MUL1: variants seen among roughly 807,000 people sequenced by gnomAD.
MUL1 encodes the protein mitochondrial E3 ubiquitin protein ligase 1.
A neutral mutation model predicts 34.1 loss-of-function variants in MUL1; 30 were observed. That is an observed-to-expected ratio of 0.88 (90% CI 0.66 to 1.19). The LOEUF (loss-of-function observed/expected upper bound fraction) is 1.19. MUL1 is among the 50% of genes most tolerant of loss of function. MUL1 has a pLI of 0.00. For synonymous variants in MUL1, 191 were observed against 187.8 expected, an observed-to-expected ratio of 1.02 and a Z score of -0.14; for missense variants, 419 against 450.5, an observed-to-expected ratio of 0.93 and a Z score of 0.63.
At chr1:20,507,793 G>A in intron 1 of MUL1, 112 bp downstream of exon 1, 1 of 1,443,740 alleles carries the variant, frequency 6.9e-7, no homozygotes, top group South Asian at 1.4e-5. Context: ...TTCAGAGGCT[G>A]TTTCCTTTTT....
Position 20,501,151 on chromosome 1 carries a change from C to T in MUL1, c.598G>A (p.Glu200Lys). 5 of 1,614,046 alleles carry T rather than the reference C, an allele frequency of 3.1e-6. No homozygotes were observed. The highest frequency in any genetic ancestry group is 2.2e-5 in the East Asian group (1 of 44,874). ...KVGATLTGVG[E>K]LVLDNNSVRL... ...ACAGAGTTGTTGTCCAGGACCAGTT[C>T]GCCAACCCCTGTGAGGGTGGCCCCC... The change falls in exon 4 of 4, where the codon GAA becomes AAA. Residue 200 changes from glutamate to lysine, a missense_variant. By Grantham distance (56) the Glu-to-Lys change is moderately conservative. Coordinates refer to ENST00000264198, the MANE Select transcript of MUL1 (RefSeq NM_024544.3). This position sits in a 1 kb window ranked among gnomAD's most constrained non-coding sequence, Gnocchi z 4.2.
chr1:20,504,107 C>T (rs886608517), intron 1 of MUL1, among the ~76,000 whole-genome samples: 2 of 152,020 alleles, frequency 1.3e-5, no homozygotes, highest in Non-Finnish European at 2.9e-5. Context: ...TGAGCTCAAG[C>T]GATCCTCCTG....
At chr1:20,504,687 C>T (rs1304623387) in intron 1 of MUL1, among the ~76,000 whole-genome samples, 2 of 152,224 alleles carry the variant, frequency 1.3e-5, no homozygotes. Context: ...AGGGCTTGGA[C>T]ACTGTTTGTC....
chr1:20,508,028 G>T lies in MUL1; in HGVS notation c.-4C>A. The stretch of plus-strand genomic sequence containing the variant: ...AGGGCCGCCCTCCGCTCTCCATGAC[G>T]GCGGCGAGCCCCGGTGGCCGACTGT... On this transcript the variant is annotated 5_prime_UTR_variant, in exon 1 of 4. Coordinates refer to ENST00000264198, the MANE Select transcript of MUL1 (RefSeq NM_024544.3). The T allele has an allele frequency of 6.3e-7, 1 of 1,580,970 alleles. No individual in the cohort carries two copies. The highest frequency in any genetic ancestry group is 8.6e-7 in the Non-Finnish European group (1 of 1,165,126).
At position 20,500,988 on chromosome 1, in the gene MUL1, G is replaced by A. The variant is rs767842036; in HGVS notation, c.761C>T (p.Thr254Ile). ...CTGCTTCCGGAGAATGAAGAAGAGGGTGGCACATGTGGCAAAGCCAAAAAC... is the reference window on the plus strand; with the variant it reads ...CTGCTTCCGGAGAATGAAGAAGAGGATGGCACATGTGGCAAAGCCAAAAAC... ...ALVFGFATCATLFFILRKQYL... is the reference protein window; with the variant it reads ...ALVFGFATCAILFFILRKQYL... Residue 254 changes from threonine (T) to isoleucine (I), a missense_variant, in exon 4 of 4, where the codon ACC becomes ATC. Transcript: ENST00000264198. 27 of 1,614,044 alleles carry A rather than the reference G, an allele frequency of 1.7e-5. No individual in the cohort carries two copies. The highest frequency in any genetic ancestry group is 4.5e-5 in the East Asian group (2 of 44,868).
rs2051666019 is a variant in MUL1 at position 20,501,981 on chromosome 1, A to G, written c.329+88T>C. 7.1e-6 allele frequency: 11 copies of G among 1,541,708 alleles called. No individual in the cohort carries two copies. The highest frequency in any genetic ancestry group is 8.0e-6 in the Non-Finnish European group (9 of 1,121,630). On this transcript the variant is annotated intron_variant, in intron 3 of 3. Transcript: ENST00000264198. This position sits in a 1 kb window ranked among gnomAD's most constrained non-coding sequence, Gnocchi z 4.2. Reference sequence around the variant, plus strand: ...CTGGGCTTCAACCTGTCTCAGGAGAAGCTGAAGTCACGGCAACAGCACCCA... The same window carrying G: ...CTGGGCTTCAACCTGTCTCAGGAGAGGCTGAAGTCACGGCAACAGCACCCA...
At chr1:20,505,582 C>CAAAAAAA (rs11338654) in intron 1 of MUL1, among the ~76,000 whole-genome samples, 66 of 57,114 alleles carry the variant, frequency 1.2e-3, no homozygotes, top group East Asian at 2.7e-3. Context: ...GACCATGTCT[C>CAAAAAAA]AAAAAAAAAA....
Position 20,508,130 on chromosome 1 carries a change from G to A in MUL1, c.-106C>T, listed in dbSNP as rs1311205260. 2.1e-6 allele frequency: 3 copies of A among 1,442,882 alleles called. No individual in the cohort carries two copies. Among genetic ancestry groups the A allele is most frequent in the Non-Finnish European group, 2.8e-6 (3 of 1,087,064 alleles). The allele number at this position is 1,442,882 out of a possible 1,614,324, so 89.4% of individuals were successfully genotyped here. A position where few individuals can be genotyped will look rare whatever the true frequency, so the allele number is the denominator to read the frequency against. On this transcript the variant is annotated 5_prime_UTR_variant, in exon 1 of 4. Transcript: ENST00000264198. ...GGACCGCACCCCCCCGGCCTAACCT[G>A]ACCGGAAACTCGAAATCAGTCGCCC...
chr1:20,506,482 C>T (rs574172987), intron 1 of MUL1, among the ~76,000 whole-genome samples: 189 of 152,360 alleles, frequency 1.2e-3, no homozygotes, highest in African/African-American at 4.4e-3. Context: ...AGCTGACTAG[C>T]TGTATGGCCT....
At chr1:20,505,685 G>T (rs2051707709) in intron 1 of MUL1, among the ~76,000 whole-genome samples, 1 of 149,358 alleles carries the variant, frequency 6.7e-6, no homozygotes, top group Non-Finnish European at 1.5e-5. Context: ...AAGGAAGGAA[G>T]GGAGGGAGAA....
At chr1:20,506,184 G>C (rs1269979179) in intron 1 of MUL1, among the ~76,000 whole-genome samples, 2 of 152,134 alleles carry the variant, frequency 1.3e-5, no homozygotes, top group Admixed American at 1.3e-4. Flanking sequence ...TGATAATTAA[G>C]TTAGTCAGGT....
rs1485973130 is a variant in MUL1, at chr1:20,499,815, T to C, written c.*875A>G. On this transcript the variant is annotated 3_prime_UTR_variant, in exon 4 of 4. Coordinates refer to ENST00000264198, the MANE Select transcript of MUL1 (RefSeq NM_024544.3). ...AGGGTGCCAGCCGGCTGCTTTTCCT[T>C]GTGACAGCCTTGCAAGGAAGCTGTG... The C allele has an allele frequency of 6.6e-6, 1 of 152,230 alleles. No individual in the cohort carries two copies. Among genetic ancestry groups the C allele is most frequent in the African/African-American group, 2.4e-5 (1 of 41,454 alleles). 9.4% of individuals were successfully genotyped at this position (152,230 alleles called of 1,614,324 possible).
At position 20,500,766 on chromosome 1, in the gene MUL1, C is replaced by T. The variant is rs376402258; in HGVS notation, c.983G>A (p.Arg328His). The change falls in exon 4 of 4, where the codon CGC becomes CAC. Residue 328 changes from arginine (R) to histidine (H), a missense_variant. Arg to His is a conservative substitution (Grantham distance 29). Transcript: ENST00000264198. ...GCACTTCTTGGGCTCTGGCAAGGCG[C>T]GGTAGCACTCGGTGCAGGAACAAAC... is the stretch of plus-strand genomic sequence containing the variant. ...GHVCSCTECY[R>H]ALPEPKKCPI... 2.4e-5 allele frequency: 39 copies of T among 1,613,540 alleles called. No individual in the cohort carries two copies. The highest frequency in any genetic ancestry group is 4.4e-5 in the South Asian group (4 of 90,938).
chr1:20,502,359 G>A (rs986961743), intron 2 of MUL1, among the ~76,000 whole-genome samples, 170 bp from the exon 3 acceptor site: 6 of 152,176 alleles, frequency 3.9e-5, no homozygotes, highest in Non-Finnish European at 7.3e-5. Flanking sequence ...GACCAGCCTG[G>A]TTAACACAGT....
Position 20,502,148 on chromosome 1 carries a change from C to T in MUL1, c.250G>A (p.Val84Met), listed in dbSNP as rs2051668233. 3 of 1,614,184 alleles carry T rather than the reference C, an allele frequency of 1.9e-6. No homozygotes were observed. The highest frequency in any genetic ancestry group is 2.5e-6 in the Non-Finnish European group (3 of 1,180,038). Residue 84 changes from valine to methionine, a missense_variant, in exon 3 of 4, where the codon GTG becomes ATG. By Grantham distance (21) the Val-to-Met change is conservative. Transcript: ENST00000264198. ...SVKETLNSQF[V>M]ENCKGVIQRL... ...TGAATTACCCCCTTGCAGTTTTCCA[C>T]AAACTGGCTGTTAAGCGTTTCTTTA...
intron 1 of MUL1, among the ~76,000 whole-genome samples, chr1:20,505,798 G>A (rs1396422472): frequency 6.6e-6 from 1 of 152,046 alleles, no homozygotes; most frequent in African/African-American, 2.4e-5. Context: ...TTTGGCAAAG[G>A]TTTTAAGGTC....
Position 20,500,451 on chromosome 1 carries a change from C to T in MUL1, c.*239G>A. On this transcript the variant is annotated 3_prime_UTR_variant, in exon 4 of 4. Coordinates refer to ENST00000264198, the MANE Select transcript of MUL1 (RefSeq NM_024544.3). ...TGGCTCCTGGGAGGAGACGCCACGGCATCCTCCCAGGGTGAGGCTCTGATG... is the reference window on the plus strand; with the variant it reads ...TGGCTCCTGGGAGGAGACGCCACGGTATCCTCCCAGGGTGAGGCTCTGATG... 2.2e-6 allele frequency: 1 copy of T among 463,700 alleles called. No individual in the cohort carries two copies. 28.7% of individuals were successfully genotyped at this position (463,700 alleles called of 1,614,324 possible). A position where few individuals can be genotyped will look rare whatever the true frequency, so the allele number is the denominator to read the frequency against.
Position 20,499,641 on chromosome 1 carries a change from T to A in MUL1, c.*1049A>T, listed in dbSNP as rs2051632640. 1 of 152,088 alleles carries A rather than the reference T, an allele frequency of 6.6e-6. No individual in the cohort carries two copies. The highest frequency in any genetic ancestry group is 2.1e-4 in the South Asian group (1 of 4,826). 9.4% of individuals were successfully genotyped at this position (152,088 alleles called of 1,614,324 possible). On this transcript the variant is annotated 3_prime_UTR_variant, in exon 4 of 4. Coordinates refer to ENST00000264198, the MANE Select transcript of MUL1 (RefSeq NM_024544.3). ...TCAGAGGTGGGGGAAAACAGCCCCA[T>A]CTGTCTTGCACTAAAAGGCTCACCA... is the stretch of plus-strand genomic sequence containing the variant.
In MUL1 at chr1:20,500,716, G is replaced by A. The variant is rs1026440962; in HGVS notation, c.1033C>T (p.Arg345Trp). 6.3e-6 allele frequency: 10 copies of A among 1,594,574 alleles called. No individual in the cohort carries two copies. Among genetic ancestry groups the A allele is most frequent in the South Asian group, 2.3e-5 (2 of 87,608 alleles). The stretch of plus-strand genomic sequence containing the variant: ...TAGCTGTTGTACAGGGGTATCACCC[G>A]GGTGATCGCCTGTCTGCAGATAGGG... The part of the protein sequence containing the change: ...KCPICRQAIT[R>W]VIPLYNS Residue 345 changes from arginine to tryptophan, a missense_variant, in exon 4 of 4, where the codon CGG (arginine) becomes TGG (tryptophan). Coordinates refer to ENST00000264198, the MANE Select transcript of MUL1 (RefSeq NM_024544.3).
Sources: allele counts gnomAD v4.1 joint callset (sites outside exome capture counted in the v4.1 genomes callset), GRCh38; gene constraint gnomAD v4.1.1; non-coding constraint Gnocchi (gnomAD v3.1); transcripts MANE v1.5; gene names NCBI Gene and HGNC (gene_info 2026-07-23, HGNC 2026-07-21).